SNX30: variants seen among roughly 807,000 people sequenced by gnomAD.
SNX30 encodes sorting nexin family member 30.
In SNX30, 24 loss-of-function variants were observed where a neutral mutation model predicts 46.4. That is an observed-to-expected ratio of 0.52 (90% CI 0.37 to 0.73). The LOEUF is 0.73. Ranked by LOEUF, SNX30 falls within the 30% of genes least tolerant of loss-of-function variation. The pLI is 0.00. For synonymous variants in SNX30, 189 were observed against 211.5 expected (o/e 0.89, Z 0.92); for missense variants, 533 against 555.7 (o/e 0.96, Z 0.41).
At chr9:112,761,523 C>T (rs947751300) in intron 1 of SNX30, among the ~76,000 whole-genome samples, 5 of 151,940 alleles carry the variant, frequency 3.3e-5, no homozygotes, top group African/African-American at 9.7e-5. Flanking sequence ...AAAGACCAGC[C>T]GTGAAAGAGG....
chr9:112,879,871 A>AG (rs1841556682), downstream of SNX30: 41 of 1,522,106 alleles, frequency 2.7e-5, no homozygotes, highest in Non-Finnish European at 3.7e-5. Context: ...AATGGGGTAA[A>AG]GGTGAAACTG....
At position 112,750,981 on chromosome 9, in the gene SNX30, G is replaced by A. The variant is rs191344271; in HGVS notation, c.-21G>A. On this transcript the variant is annotated 5_prime_UTR_variant, in exon 1 of 9. Transcript: ENST00000374232. The stretch of plus-strand genomic sequence containing the variant: ...GGCAGCAGGAGGAAGCGGCGGCGGC[G>A]CGTCCCGAGCGGTGCGCGCCATGGC... 8,019 of 1,224,448 alleles carry A rather than the reference G, an allele frequency of 6.5e-3. 353 individuals carry two copies. The African/African-American group carries it at 0.1, about 15-fold the overall frequency. 75.8% of individuals were successfully genotyped at this position (1,224,448 alleles called of 1,614,324 possible).
chr9:112,881,817 T>C (rs1356262488), downstream of SNX30: 1 of 152,208 alleles, frequency 6.6e-6, no homozygotes, highest in Admixed American at 6.5e-5. Flanking sequence ...CACTGCATTC[T>C]ACCAAGGAGA....
chr9:112,848,383 A>G (rs770091157), intron 6 of SNX30, among the ~76,000 whole-genome samples: 4 of 152,036 alleles, frequency 2.6e-5, no homozygotes, highest in African/African-American at 7.2e-5. Flanking sequence ...AGGTGTCCCA[A>G]TGAGGGTGGT....
chr9:112,775,302 T>A (rs1839725697), intron 1 of SNX30, among the ~76,000 whole-genome samples: 1 of 151,784 alleles, frequency 6.6e-6, no homozygotes, highest in African/African-American at 2.4e-5. Context: ...ATTACAGGCA[T>A]GCACCACCAC....
At chr9:112,787,617 T>G (rs1588115894) in intron 1 of SNX30, among the ~76,000 whole-genome samples, 1 of 152,096 alleles carries the variant, frequency 6.6e-6, no homozygotes, top group East Asian at 1.9e-4. Flanking sequence ...CTCTAATAAT[T>G]ATAGGTTCTC....
downstream of SNX30, chr9:112,885,675 GTGAAATACCTCAT>G (rs1841634700): frequency 6.6e-6 from 1 of 152,150 alleles, no homozygotes; most frequent in Non-Finnish European, 1.5e-5. Flanking sequence ...TAAATAAGAA[GTGAAATACCTCAT>G]TGACACATTT....
chr9:112,761,402 A>G (rs1413546057), intron 1 of SNX30, among the ~76,000 whole-genome samples: 1 of 152,122 alleles, frequency 6.6e-6, no homozygotes, highest in Non-Finnish European at 1.5e-5. Flanking sequence ...ACTTCAGGTG[A>G]TCCACCCTCC....
At chr9:112,797,847 C>T (rs1302680807) in intron 1 of SNX30, among the ~76,000 whole-genome samples, 5 of 148,416 alleles carry the variant, frequency 3.4e-5, no homozygotes, top group African/African-American at 1.2e-4. Context: ...AGTAGGCGCA[C>T]GCCACCGTGC....
At chr9:112,827,197 A>G (rs893520688) in intron 3 of SNX30, among the ~76,000 whole-genome samples, 18 of 152,218 alleles carry the variant, frequency 1.2e-4, no homozygotes, top group African/African-American at 4.1e-4. Context: ...AGCTGCTGCC[A>G]GTCTTACAAC....
intron 7 of SNX30, among the ~76,000 whole-genome samples, chr9:112,856,543 A>G (rs1841132911): frequency 6.6e-6 from 1 of 151,924 alleles, no homozygotes; most frequent in African/African-American, 2.4e-5. Context: ...AAAGGTGCAC[A>G]GAGCTGTTCC....
chr9:112,838,090 A>G (rs1186920909), intron 5 of SNX30, among the ~76,000 whole-genome samples: 2 of 149,220 alleles, frequency 1.3e-5, no homozygotes, highest in African/African-American at 4.9e-5. Context: ...ACGGGGTTTC[A>G]CTGTGTTAGC....
At chr9:112,777,036 C>T (rs1441880380) in intron 1 of SNX30, among the ~76,000 whole-genome samples, 1 of 152,122 alleles carries the variant, frequency 6.6e-6, no homozygotes, top group Non-Finnish European at 1.5e-5. Flanking sequence ...TTTTTCCAGA[C>T]CCTATATAGC....
At chr9:112,761,735 G>A (rs957528799) in intron 1 of SNX30, among the ~76,000 whole-genome samples, 1 of 152,136 alleles carries the variant, frequency 6.6e-6, no homozygotes. Context: ...TAAAGATGAC[G>A]TGGACACGGT....
intron 1 of SNX30, among the ~76,000 whole-genome samples, chr9:112,775,382 C>T (rs555131663): frequency 3.3e-5 from 5 of 151,250 alleles, no homozygotes; most frequent in East Asian, 3.9e-4. Flanking sequence ...CTCGACCTCC[C>T]GACCTCAGGC....
intron 8 of SNX30, among the ~76,000 whole-genome samples, chr9:112,865,045 TAC>T (rs1409120551): frequency 8.6e-6 from 1 of 116,734 alleles, no homozygotes; most frequent in South Asian, 2.8e-4. Flanking sequence ...ACACACACAC[TAC>T]ACACACACCA....
chr9:112,881,895 T>C (rs1841582058), downstream of SNX30, among the ~76,000 whole-genome samples: 1 of 152,176 alleles, frequency 6.6e-6, no homozygotes, highest in Non-Finnish European at 1.5e-5. Context: ...AGGAAAATTC[T>C]CTTTGAGAAA....
intron 1 of SNX30, among the ~76,000 whole-genome samples, chr9:112,789,746 A>G (rs991109656): frequency 6.6e-6 from 1 of 152,214 alleles, no homozygotes; most frequent in African/African-American, 2.4e-5. Context: ...TTGCCAAGGA[A>G]TGTGGACCTG....
chr9:112,881,594 T>A (rs1841577740), exon 6 of SNX30: 1 of 152,266 alleles, frequency 6.6e-6, no homozygotes, highest in Non-Finnish European at 1.5e-5. Flanking sequence ...AGTGCTGACT[T>A]ATTAGTCAGC....
Sources: gnomAD v4.1 joint callset for allele counts (sites outside exome capture counted in the v4.1 genomes callset) on GRCh38, gnomAD v4.1.1 for gene constraint, MANE v1.5 for transcripts, NCBI Gene and HGNC (gene_info 2026-07-23, HGNC 2026-07-21) for gene names.